Variants in WDR49 observed in about 807,000 individuals in gnomAD.
WDR49 encodes cilia- and flagella-associated protein 337.
In WDR49, 107 loss-of-function variants were observed where a neutral mutation model predicts 119.5. The observed-to-expected ratio is 0.90, with a 90% CI of 0.77 to 1.05. WDR49 has a LOEUF of 1.05. Ranked by LOEUF, WDR49 falls within the 50% of genes least tolerant of loss-of-function variation. WDR49 has a pLI of 0.00. For synonymous variants in WDR49, 425 were observed against 418.8 expected, an observed-to-expected ratio of 1.01 and a Z score of -0.18; for missense variants, 1,240 against 1,220.5, an observed-to-expected ratio of 1.02 and a Z score of -0.24.
chr3:167,562,069 A>C lies in WDR49; in HGVS notation c.1510-1841T>G, dbSNP rs899618717. ...AGAAATCTCTGGTAAGCAGCTCCAA[A>C]GAATATTGAGTAATTATAAAGTCAG... On this transcript the variant is annotated intron_variant, in intron 8 of 18. Coordinates refer to ENST00000682715, the MANE Select transcript of WDR49 (RefSeq NM_001366157.1). 2.1e-4 allele frequency among the ~76,000 whole-genome samples: 32 copies of C among 152,170 alleles called. 1 individual carries two copies. The highest frequency in any genetic ancestry group is 2.1e-3 in the Admixed American group (32 of 15,272).
chr3:167,541,839 G>A (rs765349727), intron 10 of WDR49, among the ~76,000 whole-genome samples: 2 of 151,944 alleles, frequency 1.3e-5, no homozygotes, highest in Non-Finnish European at 2.9e-5. Flanking sequence ...ATAAACTTAA[G>A]GTAAAGGGGT....
chr3:167,490,094 C>T (rs945076431), intron 18 of WDR49, among the ~76,000 whole-genome samples: 22 of 152,072 alleles, frequency 1.4e-4, no homozygotes, highest in African/African-American at 5.3e-4. Context: ...TGAGTATTGT[C>T]AAATGTCCTT....
intron 18 of WDR49, among the ~76,000 whole-genome samples, chr3:167,483,059 C>A (rs13326817): frequency 2.4e-3 from 368 of 152,082 alleles, no homozygotes; most frequent in Non-Finnish European, 4.1e-3. Flanking sequence ...TTCATTCTAT[C>A]ATTACTGAGC....
chr3:167,558,966 C>T (rs80106653), intron 9 of WDR49, among the ~76,000 whole-genome samples: 1,874 of 152,218 alleles, frequency 0.012, 38 homozygotes, highest in African/African-American at 0.042. Context: ...TATGGTTGTC[C>T]TGGTACCTTC....
At chr3:167,634,065 A>C (rs1338717582) in intron 2 of WDR49, among the ~76,000 whole-genome samples, 1 of 151,986 alleles carries the variant, frequency 6.6e-6, no homozygotes, top group African/African-American at 2.4e-5. Flanking sequence ...CTATGGCTTT[A>C]ATAAAACCTT....
chr3:167,561,016 T>TAAC (rs10644143), intron 8 of WDR49, among the ~76,000 whole-genome samples: 53,804 of 151,796 alleles, frequency 0.35, 9,741 homozygotes, highest in African/African-American at 0.42. Flanking sequence ...AGAAAAATAA[T>TAAC]TACATAAATG....
At chr3:167,571,042 G>T (rs1034580977) in intron 8 of WDR49, among the ~76,000 whole-genome samples, 3 of 147,308 alleles carry the variant, frequency 2.0e-5, no homozygotes, top group African/African-American at 7.6e-5. Context: ...AAAAAAAAAA[G>T]ATGGTAAATA....
At position 167,620,517 on chromosome 3, in the gene WDR49, G is replaced by T. The variant is rs367576889; in HGVS notation, c.870C>A (p.Thr290=). The T allele has an allele frequency of 2.0e-5, 31 of 1,535,886 alleles. No individual in the cohort carries two copies. In the South Asian group the frequency reaches 2.3e-4, roughly 11 times the overall value. Reference sequence around the variant, plus strand: ...CAGAGAGCAGCTCTGCCCAGTTAATGGTCATAGTGGCTTCTCCATCTTCAC... The same window carrying T: ...CAGAGAGCAGCTCTGCCCAGTTAATTGTCATAGTGGCTTCTCCATCTTCAC... ...SACEDGEATM[T]INWAELLSGC... The change falls in exon 5 of 19, where the codon ACC becomes ACA. Residue 290 remains threonine, a synonymous_variant. Transcript: ENST00000682715.
At chr3:167,573,626 A>G (rs900279009) in intron 8 of WDR49, among the ~76,000 whole-genome samples, 6 of 152,128 alleles carry the variant, frequency 3.9e-5, no homozygotes, top group African/African-American at 1.4e-4. Flanking sequence ...TAGAAAGCAA[A>G]CAATAAATTA....
chr3:167,510,943 A>AT (rs902337009), intron 16 of WDR49, among the ~76,000 whole-genome samples: 3 of 142,806 alleles, frequency 2.1e-5, no homozygotes, highest in Non-Finnish European at 4.5e-5. Context: ...TTTCTTTCAT[A>AT]TTTTTTCATA....
chr3:167,627,276 T>C lies in WDR49; in HGVS notation c.182A>G (p.Lys61Arg). The change falls in exon 3 of 19, where the codon AAA becomes AGA. Residue 61 changes from lysine (K) to arginine (R), a missense_variant. Coordinates refer to ENST00000682715, the MANE Select transcript of WDR49 (RefSeq NM_001366157.1). ...QKAFESPQPR[K>R]IICMSREDFT... ...GTCTTCTCTGGACATACAAATGATT[T>C]TCCTTGGCTGTGGGGACTAGAAACA... 1.9e-5 allele frequency: 24 copies of C among 1,235,338 alleles called. No individual in the cohort carries two copies. The highest frequency in any genetic ancestry group is 2.3e-5 in the Non-Finnish European group (23 of 988,876). 76.5% of individuals were successfully genotyped at this position (1,235,338 alleles called of 1,614,324 possible).
intron 7 of WDR49, among the ~76,000 whole-genome samples, chr3:167,591,395 A>G (rs974408898): frequency 6.6e-6 from 1 of 152,104 alleles, no homozygotes; most frequent in South Asian, 2.1e-4. Flanking sequence ...GTTGGATGAA[A>G]TGTTCTATAA....
chr3:167,632,984 A>G (rs1455109714), intron 2 of WDR49, among the ~76,000 whole-genome samples: 1 of 152,056 alleles, frequency 6.6e-6, no homozygotes, highest in Non-Finnish European at 1.5e-5. Context: ...GCACATTTAT[A>G]CTCAATAAAT....
At chr3:167,485,359 T>C (rs1468919170) in intron 18 of WDR49, among the ~76,000 whole-genome samples, 2 of 148,198 alleles carry the variant, frequency 1.3e-5, no homozygotes, top group African/African-American at 2.5e-5. Flanking sequence ...TCAAAGTAAA[T>C]AAAAATAAAA....
chr3:167,502,102 G>A (rs1466990680), intron 17 of WDR49, among the ~76,000 whole-genome samples: 1 of 151,960 alleles, frequency 6.6e-6, no homozygotes, highest in Non-Finnish European at 1.5e-5. Context: ...ATAGTGAGTG[G>A]GTTCTCACAA....
chr3:167,627,206 T>C lies in WDR49; in HGVS notation c.252A>G (p.Glu84=). ...CTTTGTCAAAGAGCTCCCCATATTC[T>C]TCCTTCGTGCCCCAACCAACAATCT... ...MTEIVGWGTK[E]EYGELFDKVD... The change falls in exon 3 of 19, where the codon GAA becomes GAG. Residue 84 remains glutamate, a synonymous_variant. Coordinates refer to ENST00000682715, the MANE Select transcript of WDR49 (RefSeq NM_001366157.1). The C allele has an allele frequency of 8.0e-7, 1 of 1,256,510 alleles. No homozygotes were observed. The highest frequency in any genetic ancestry group is 1.0e-6 in the Non-Finnish European group (1 of 1,001,656). 77.8% of individuals were successfully genotyped at this position (1,256,510 alleles called of 1,614,324 possible).
At chr3:167,518,123 C>T (rs1752290947) in intron 16 of WDR49, among the ~76,000 whole-genome samples, 1 of 151,852 alleles carries the variant, frequency 6.6e-6, no homozygotes, top group Non-Finnish European at 1.5e-5. Flanking sequence ...TTTCTTAATC[C>T]AGTCTATCAT....
intron 9 of WDR49, among the ~76,000 whole-genome samples, chr3:167,559,193 G>A (rs1239850993): frequency 6.6e-6 from 1 of 152,066 alleles, no homozygotes; most frequent in Non-Finnish European, 1.5e-5. Flanking sequence ...TACATATCCA[G>A]GTAGCTTTCC....
intron 16 of WDR49, among the ~76,000 whole-genome samples, chr3:167,519,056 A>C (rs1752325811): frequency 6.6e-6 from 1 of 152,160 alleles, no homozygotes; most frequent in Non-Finnish European, 1.5e-5. Context: ...AGAGAAATGC[A>C]AATCAAAACC....
Sources: gnomAD v4.1 joint callset for allele counts (sites outside exome capture counted in the v4.1 genomes callset) on GRCh38, gnomAD v4.1.1 for gene constraint, MANE v1.5 for transcripts, NCBI Gene and HGNC (gene_info 2026-07-23, HGNC 2026-07-21) for gene names.